NUDT6: variants seen among roughly 807,000 people sequenced by gnomAD.
NUDT6 encodes FAD diphosphatase NUDT6.
NUDT6 carries 24 observed loss-of-function variants against 36.8 expected under a neutral mutation model. The observed-to-expected ratio is 0.65, with a 90% confidence interval of 0.47 to 0.92. NUDT6 has a LOEUF of 0.92. Ranked by LOEUF, NUDT6 falls within the 40% of genes least tolerant of loss-of-function variation. NUDT6 has a pLI of 0.00. For synonymous variants in NUDT6, 163 were observed against 157.0 expected (o/e 1.04, Z -0.29); for missense variants, 388 against 392.8 (o/e 0.99, Z 0.10).
chr4:122,893,092 T>A lies in NUDT6; in HGVS notation c.687A>T (p.Leu229=), dbSNP rs771737486. 6 of 1,614,182 alleles carry A rather than the reference T, an allele frequency of 3.7e-6. No homozygotes were observed. The Admixed American group carries it at 8.3e-5, about 22-fold the overall frequency. ...GKSDMYIICR[L]KPYSFTINFC... ...AATTTATGGTGAATGAATATGGCTT[T>A]AGGCGGCAGATGATATACATATCTG... Residue 229 remains leucine (L), a synonymous_variant, in exon 5 of 5, where the codon CTA becomes CTT. Transcript: ENST00000304430.
chr4:122,902,217 G>A (rs1700521678), intron 3 of NUDT6, among the ~76,000 whole-genome samples: 4 of 151,998 alleles, frequency 2.6e-5, no homozygotes, highest in Admixed American at 2.6e-4. Flanking sequence ...TAGGTGTTGG[G>A]CATACAGAAG....
chr4:122,892,656 A>G lies in NUDT6; in HGVS notation c.*172T>C, dbSNP rs1166599503. On this transcript the variant is annotated 3_prime_UTR_variant, in exon 5 of 5. Coordinates refer to ENST00000304430, the MANE Select transcript of NUDT6 (RefSeq NM_007083.5). ...CCTAGAGCAATGATCTTTTTCACGC[A>G]TTTGCTTTATTCGAAAAGAGGCTTT... is the stretch of plus-strand genomic sequence containing the variant. The G allele has an allele frequency of 7.1e-7, 1 of 1,402,710 alleles. No individual in the cohort carries two copies. Among genetic ancestry groups the G allele is most frequent in the Non-Finnish European group, 9.3e-7 (1 of 1,070,334 alleles). 86.9% of individuals were successfully genotyped at this position (1,402,710 alleles called of 1,614,324 possible).
chr4:122,900,961 G>C (rs1727510176), intron 3 of NUDT6, among the ~76,000 whole-genome samples: 1 of 152,084 alleles, frequency 6.6e-6, no homozygotes, highest in Admixed American at 6.5e-5. Flanking sequence ...GATTGGTTTT[G>C]AAAATGTAGC....
At chr4:122,911,041 C>G (rs914208047) in intron 3 of NUDT6, among the ~76,000 whole-genome samples, 1 of 152,026 alleles carries the variant, frequency 6.6e-6, no homozygotes, top group Non-Finnish European at 1.5e-5. Context: ...TTAAACATAA[C>G]AAAAGAAATT....
At chr4:122,904,686 C>T (rs1183723397) in intron 3 of NUDT6, among the ~76,000 whole-genome samples, 1 of 152,106 alleles carries the variant, frequency 6.6e-6, no homozygotes, top group Non-Finnish European at 1.5e-5. Flanking sequence ...GAACTCTTGA[C>T]CTCGTGATCT....
chr4:122,917,422 A>G (rs1727866503), intron 2 of NUDT6, 79 bp downstream of exon 2: 4 of 1,155,696 alleles, frequency 3.5e-6, no homozygotes, highest in Non-Finnish European at 5.2e-6. Flanking sequence ...TGAATAAACT[A>G]TTTGCTTAGC....
chr4:122,903,985 C>A (rs1199819768), intron 3 of NUDT6, among the ~76,000 whole-genome samples: 2 of 152,096 alleles, frequency 1.3e-5, no homozygotes, highest in African/African-American at 4.8e-5. Flanking sequence ...ATGAAGGGAC[C>A]CACAACCCAC....
At chr4:122,912,770 T>C (rs1727756595) in intron 2 of NUDT6, 147 bp from the exon 3 acceptor site, 1 of 599,992 alleles carries the variant, frequency 1.7e-6, no homozygotes, top group Non-Finnish European at 3.0e-6. Flanking sequence ...TTATCTAAAA[T>C]GTTTCAGAGC....
At chr4:122,904,901 C>T (rs1256695923) in intron 3 of NUDT6, among the ~76,000 whole-genome samples, 1 of 152,130 alleles carries the variant, frequency 6.6e-6, no homozygotes, top group African/African-American at 2.4e-5. Context: ...GGTTCTTGGT[C>T]TCACTGACTT....
In NUDT6 at chr4:122,922,592, T is replaced by C. The variant is rs201407718; in HGVS notation, c.-20A>G. The C allele has an allele frequency of 6.4e-4, 1,017 of 1,580,412 alleles. 2 individuals are homozygous for C. The highest frequency in any genetic ancestry group is 8.5e-4 in the Non-Finnish European group (990 of 1,167,852). ...CCGCATCTCCACGCCGCTTAATTCG[T>C]CCGTTGCCCAAATGACCCCTCCGCG... On this transcript the variant is annotated 5_prime_UTR_variant, in exon 1 of 5. Transcript: ENST00000304430.
intron 1 of NUDT6, chr4:122,919,744 A>G (rs1283834000): frequency 6.6e-6 from 1 of 152,164 alleles, no homozygotes; most frequent in Non-Finnish European, 1.5e-5. Flanking sequence ...TCATGAGCTC[A>G]CCATTATGAA....
intron 2 of NUDT6, 79 bp from the exon 3 acceptor site, chr4:122,912,702 G>T: frequency 1.1e-6 from 1 of 914,398 alleles, no homozygotes; most frequent in Non-Finnish European, 1.7e-6. Context: ...CTCTATCTGT[G>T]GTGATAAAAA....
chr4:122,902,416 T>A (rs1449811067), intron 3 of NUDT6, among the ~76,000 whole-genome samples: 1 of 152,208 alleles, frequency 6.6e-6, no homozygotes, highest in African/African-American at 2.4e-5. Flanking sequence ...AAGCTCCATA[T>A]GTAGAAACTT....
upstream of NUDT6, chr4:122,922,906 C>A: frequency 1.7e-6 from 1 of 584,944 alleles, no homozygotes; most frequent in South Asian, 2.2e-5. Flanking sequence ...ATCTAAGTGG[C>A]AGTTCCGTTC....
chr4:122,915,369 C>G (rs1727807468), intron 2 of NUDT6, among the ~76,000 whole-genome samples: 1 of 149,224 alleles, frequency 6.7e-6, no homozygotes, highest in Non-Finnish European at 1.5e-5. Context: ...ACTTGGGAGG[C>G]TAAGGCAGGA....
intron 3 of NUDT6, among the ~76,000 whole-genome samples, chr4:122,907,212 C>A (rs114502496): frequency 0.014 from 2,166 of 152,172 alleles, 55 homozygotes; most frequent in African/African-American, 0.049. Flanking sequence ...GTTTCGGCAA[C>A]GTCTGCCTCC....
At chr4:122,914,280 G>A (rs1727788123) in intron 2 of NUDT6, among the ~76,000 whole-genome samples, 1 of 152,168 alleles carries the variant, frequency 6.6e-6, no homozygotes, top group Non-Finnish European at 1.5e-5. Flanking sequence ...AAATCACCAA[G>A]TGAGATATAA....
intron 3 of NUDT6, among the ~76,000 whole-genome samples, chr4:122,901,084 A>T (rs960261324): frequency 7.9e-5 from 12 of 152,214 alleles, no homozygotes; most frequent in Middle Eastern, 3.4e-3. Flanking sequence ...CAAAAAAGGA[A>T]CTTTCCACTC....
chr4:122,903,035 A>C (rs961613126), intron 3 of NUDT6, among the ~76,000 whole-genome samples: 4 of 152,194 alleles, frequency 2.6e-5, no homozygotes, highest in African/African-American at 9.6e-5. Context: ...CATTAAATAT[A>C]AATTACATAT....
Sources: allele counts gnomAD v4.1 joint callset (sites outside exome capture counted in the v4.1 genomes callset), GRCh38; gene constraint gnomAD v4.1.1; transcripts MANE v1.5; gene names NCBI Gene and HGNC (gene_info 2026-07-23, HGNC 2026-07-21).